PPP1R13B: variants seen among roughly 807,000 people sequenced by gnomAD.
PPP1R13B encodes protein phosphatase 1 regulatory subunit 13B, also known as apoptosis-stimulating of p53 protein 1.
Under a neutral mutation model 119.8 loss-of-function variants are expected in PPP1R13B, and 44 were observed. That is an observed-to-expected ratio of 0.37 (90% confidence interval 0.29 to 0.47). PPP1R13B has a LOEUF of 0.47. Among genes scored for constraint, PPP1R13B ranks in the 20% least tolerant of loss-of-function variants. PPP1R13B has a pLI of 0.99. For synonymous variants in PPP1R13B, 542 were observed against 561.5 expected (o/e 0.97, Z 0.49); for missense variants, 1,227 against 1,413.5 (o/e 0.87, Z 2.12).
chr14:103,751,707 G>A (rs1274679061), intron 7 of PPP1R13B, among the ~76,000 whole-genome samples: 5 of 152,202 alleles, frequency 3.3e-5, no homozygotes, highest in Non-Finnish European at 4.4e-5. Flanking sequence ...GGGACACAGC[G>A]AGAAGGCGGC....
At chr14:103,821,691 C>A (rs569861247) in intron 1 of PPP1R13B, among the ~76,000 whole-genome samples, 1 of 151,938 alleles carries the variant, frequency 6.6e-6, no homozygotes, top group South Asian at 2.1e-4. Context: ...GCAGAGGTTG[C>A]GGTAAGCTGA....
intron 9 of PPP1R13B, 187 bp from the exon 10 acceptor site, chr14:103,743,010 C>T: frequency 1.6e-6 from 1 of 638,472 alleles, no homozygotes; most frequent in Non-Finnish European, 2.6e-6. Flanking sequence ...CAGACCCGTG[C>T]ACAAGACCAA....
chr14:103,791,013 A>G (rs934100994), intron 2 of PPP1R13B, among the ~76,000 whole-genome samples: 1 of 152,248 alleles, frequency 6.6e-6, no homozygotes, highest in African/African-American at 2.4e-5. Context: ...GATTCAAGGT[A>G]TAAGTGATTG....
At chr14:103,824,039 CTTT>C (rs35194586) in intron 1 of PPP1R13B, among the ~76,000 whole-genome samples, 68 of 75,134 alleles carry the variant, frequency 9.1e-4, no homozygotes, top group African/African-American at 3.4e-3. Context: ...CTACCTCATC[CTTT>C]TTTTTTTTTT....
intron 1 of PPP1R13B, among the ~76,000 whole-genome samples, chr14:103,798,650 A>G (rs1373039912): frequency 1.3e-5 from 2 of 152,216 alleles, no homozygotes; most frequent in Non-Finnish European, 2.9e-5. Context: ...AATGACCCTT[A>G]AACATAAAAA....
At chr14:103,743,012 C>T in intron 9 of PPP1R13B, 189 bp from the exon 10 acceptor site, 1 of 632,418 alleles carries the variant, frequency 1.6e-6, no homozygotes, top group Non-Finnish European at 2.7e-6. Context: ...GACCCGTGCA[C>T]AAGACCAAGG....
At chr14:103,824,640 A>T (rs923130406) in intron 1 of PPP1R13B, among the ~76,000 whole-genome samples, 2 of 151,434 alleles carry the variant, frequency 1.3e-5, no homozygotes, top group Non-Finnish European at 2.9e-5. Flanking sequence ...GGTTGCAGTG[A>T]GCTGAGATCA....
At chr14:103,816,425 G>A (rs1414004992) in intron 1 of PPP1R13B, among the ~76,000 whole-genome samples, 1 of 149,298 alleles carries the variant, frequency 6.7e-6, no homozygotes, top group South Asian at 2.2e-4. Context: ...AGTGGCTCAC[G>A]CCTGTAATCC....
chr14:103,843,902 G>A (rs1321667708), intron 1 of PPP1R13B, among the ~76,000 whole-genome samples: 1 of 150,762 alleles, frequency 6.6e-6, no homozygotes, highest in Non-Finnish European at 1.5e-5. Flanking sequence ...GCAGTGAGCC[G>A]AGGTCATGCC....
In PPP1R13B at chr14:103,806,547, C is replaced by A. The variant is rs189204612; in HGVS notation, c.10-9029G>T. Among the ~76,000 whole-genome samples, 552 of 152,192 alleles carry A rather than the reference C, an allele frequency of 3.6e-3. 5 individuals carry two copies. Among genetic ancestry groups the A allele is most frequent in the African/African-American group, 0.013 (535 of 41,514 alleles). On this transcript the variant is annotated intron_variant, in intron 1 of 16. Transcript: ENST00000202556. ...CTTTAGCTTTCCAGCAGGCCACGCA[C>A]CCCAAAATGAGAATTGATGCTAAGG...
intron 5 of PPP1R13B, among the ~76,000 whole-genome samples, 167 bp downstream of exon 5, chr14:103,757,483 A>G (rs2151986560): frequency 6.6e-6 from 1 of 152,336 alleles, no homozygotes; most frequent in East Asian, 1.9e-4. Context: ...CAGTATGCAT[A>G]TATTATTATG....
intron 1 of PPP1R13B, chr14:103,818,543 A>C: frequency 2.1e-6 from 2 of 966,338 alleles, no homozygotes; most frequent in Non-Finnish European, 2.5e-6. Context: ...ATCATACACC[A>C]GTTGATTTCG....
chr14:103,802,256 C>T (rs1020355232), intron 1 of PPP1R13B, among the ~76,000 whole-genome samples: 17 of 151,962 alleles, frequency 1.1e-4, no homozygotes, highest in African/African-American at 4.1e-4. Flanking sequence ...TTGCAGTGAG[C>T]CAAGATAGCA....
At chr14:103,796,016 G>A (rs1353123427) in intron 2 of PPP1R13B, among the ~76,000 whole-genome samples, 1 of 152,176 alleles carries the variant, frequency 6.6e-6, no homozygotes, top group African/African-American at 2.4e-5. Context: ...ATGGGGTGGG[G>A]TGCAGTGGTT....
chr14:103,847,298 C>T lies in PPP1R13B; in HGVS notation c.9+1G>A. 1 of 1,249,714 alleles carries T rather than the reference C, an allele frequency of 8.0e-7. No homozygotes were observed. Among genetic ancestry groups the T allele is most frequent in the South Asian group, 1.7e-5 (1 of 59,952 alleles). The allele number at this position is 1,249,714 out of a possible 1,614,324, so 77.4% of individuals were successfully genotyped here. On this transcript the variant is annotated splice_donor_variant, in intron 1 of 16. Coordinates refer to ENST00000202556, the MANE Select transcript of PPP1R13B (RefSeq NM_015316.3). LOFTEE classifies it high-confidence loss of function. ...GCCACCTCCCGCCCGCCCTCACCCA[C>T]CGGCATCATCGCGGGGAGAGTCCGC...
At chr14:103,766,034 A>G (rs2084931852) in intron 4 of PPP1R13B, among the ~76,000 whole-genome samples, 1 of 144,592 alleles carries the variant, frequency 6.9e-6, no homozygotes, top group Non-Finnish European at 1.5e-5. Flanking sequence ...TTTGAGACGG[A>G]GTCTAGCTCT....
At chr14:103,810,961 G>A (rs1375156019) in intron 1 of PPP1R13B, among the ~76,000 whole-genome samples, 1 of 150,900 alleles carries the variant, frequency 6.6e-6, no homozygotes, top group African/African-American at 2.4e-5. Context: ...GCATGGCAGT[G>A]CGTGCCTGTA....
intron 1 of PPP1R13B, among the ~76,000 whole-genome samples, chr14:103,832,736 G>C (rs11160764): frequency 0.13 from 19,761 of 152,236 alleles, 1,952 homozygotes; most frequent in African/African-American, 0.27. Context: ...GGAGGCCAAG[G>C]GGGGGCGGGG....
chr14:103,785,363 C>G (rs1220721112), intron 2 of PPP1R13B, among the ~76,000 whole-genome samples: 2 of 152,050 alleles, frequency 1.3e-5, no homozygotes, highest in African/African-American at 4.8e-5. Flanking sequence ...AAATCACAGG[C>G]ATCCACCACC....
Sources: gnomAD v4.1 joint callset for allele counts (sites outside exome capture counted in the v4.1 genomes callset) on GRCh38, gnomAD v4.1.1 for gene constraint, MANE v1.5 for transcripts, NCBI Gene and HGNC (gene_info 2026-07-23, HGNC 2026-07-21) for gene names.